UFC1: variants seen among roughly 807,000 people sequenced by gnomAD.
UFC1 encodes the protein ubiquitin-fold modifier conjugating enzyme 1, also known as ubiquitin-fold modifier-conjugating enzyme 1.
Under a neutral mutation model 28.0 loss-of-function variants are expected in UFC1, and 22 were observed. The ratio of observed to expected loss-of-function variants is 0.78; its 90% confidence interval spans 0.56 to 1.12. The LOEUF is 1.12. Ranked by LOEUF, UFC1 falls within the 50% of genes most tolerant of loss-of-function variation. The pLI, the probability that UFC1 is intolerant of heterozygous loss-of-function variation, is 0.00. For synonymous variants in UFC1, 61 were observed against 74.5 expected, an observed-to-expected ratio of 0.82 and a Z score of 0.93; for missense variants, 189 against 207.8, an observed-to-expected ratio of 0.91 and a Z score of 0.56.
intron 4 of UFC1, chr1:161,157,904 GGA>G: frequency 1.6e-6 from 1 of 616,064 alleles, no homozygotes; most frequent in Non-Finnish European, 2.8e-6. Context: ...AAAGATGTAA[GGA>G]AAAAAAAAAA....
rs1553232770 is a variant in UFC1, at chr1:161,157,678, C to T, written c.317C>T (p.Thr106Ile). 1 of 1,613,928 alleles carries T rather than the reference C, an allele frequency of 6.2e-7. No homozygotes were observed. The highest frequency in any genetic ancestry group is 1.3e-5 in the African/African-American group (1 of 75,004). ...EIAVPELDGKTAKMYRGGKIC... is the reference protein window; with the variant it reads ...EIAVPELDGKIAKMYRGGKIC... ...GCAGTTCCTGAGCTGGATGGAAAGA[C>T]AGCAAAGATGTACAGGTAGGACTGA... Residue 106 changes from threonine to isoleucine, a missense_variant, in exon 4 of 6, where the codon ACA (threonine) becomes ATA (isoleucine). By Grantham distance (89) the Thr-to-Ile change is moderately conservative. Transcript: ENST00000368003.
chr1:161,157,785 G>T, intron 4 of UFC1, 92 bp downstream of exon 4: 1 of 1,061,092 alleles, frequency 9.4e-7, no homozygotes. Context: ...AATAGCTAAT[G>T]GATGCTTGGC....
Position 161,158,763 on chromosome 1 carries a change from C to G in UFC1, c.*271C>G. The G allele has an allele frequency of 2.2e-6, 1 of 460,390 alleles. No individual in the cohort carries two copies. The highest frequency in any genetic ancestry group is 4.0e-6 in the Non-Finnish European group (1 of 249,750). 28.5% of individuals were successfully genotyped at this position (460,390 alleles called of 1,614,324 possible). A position where few individuals can be genotyped will look rare whatever the true frequency, so the allele number is the denominator to read the frequency against. Reference sequence around the variant, plus strand: ...ATCCGCCCCCAGGTGGAGCAACATGCGATTCTGGAGGCACGGGGGTAACTG... The same window carrying G: ...ATCCGCCCCCAGGTGGAGCAACATGGGATTCTGGAGGCACGGGGGTAACTG... On this transcript the variant is annotated 3_prime_UTR_variant, in exon 6 of 6. Coordinates refer to ENST00000368003, the MANE Select transcript of UFC1 (RefSeq NM_016406.4).
rs1657625172 is a variant in UFC1 at position 161,158,524 on chromosome 1, C to T, written c.*32C>T. On this transcript the variant is annotated 3_prime_UTR_variant, in exon 6 of 6. Coordinates refer to ENST00000368003, the MANE Select transcript of UFC1 (RefSeq NM_016406.4). ...AAGCCACTGAGGCAGGGCAGAGGGACCTTTGATAGGCTACGATACTATTTT... is the reference window on the plus strand; with the variant it reads ...AAGCCACTGAGGCAGGGCAGAGGGATCTTTGATAGGCTACGATACTATTTT... 6.2e-7 allele frequency: 1 copy of T among 1,608,632 alleles called. No individual in the cohort carries two copies. The highest frequency in any genetic ancestry group is 8.5e-7 in the Non-Finnish European group (1 of 1,175,080).
chr1:161,157,340 T>C (rs764297659), intron 3 of UFC1, 23 bp downstream of exon 3: 6 of 1,613,772 alleles, frequency 3.7e-6, no homozygotes, highest in South Asian at 1.1e-5. Flanking sequence ...GAGTGGGAAA[T>C]ATGAAGGTTA....
chr1:161,158,088 C>A, intron 4 of UFC1, 33 bp from the exon 5 acceptor site: 1 of 1,584,170 alleles, frequency 6.3e-7, no homozygotes, highest in Non-Finnish European at 8.7e-7. Context: ...GTAAACTTTG[C>A]ATGTCAACAC....
At chr1:161,157,135 A>G (rs960055260) in intron 2 of UFC1, 118 bp downstream of exon 2, 18 of 1,507,822 alleles carry the variant, frequency 1.2e-5, no homozygotes, top group Non-Finnish European at 1.7e-5. Flanking sequence ...CCACTCCCAC[A>G]GCGCCAGAGT....
chr1:161,154,221 G>A (rs1657443839), intron 1 of UFC1, 101 bp downstream of exon 1: 2 of 1,530,344 alleles, frequency 1.3e-6, no homozygotes, highest in African/African-American at 1.4e-5. Flanking sequence ...CGGTTTTTAA[G>A]TTTAACGCCC....
At chr1:161,157,596 A>C in intron 3 of UFC1, 21 bp from the exon 4 acceptor site, 1 of 1,603,522 alleles carries the variant, frequency 6.2e-7, no homozygotes, top group Non-Finnish European at 8.5e-7. Context: ...CTGTTTTATT[A>C]AGGTTTTATA....
intron 1 of UFC1, among the ~76,000 whole-genome samples, chr1:161,156,676 T>C (rs911173157): frequency 1.3e-5 from 2 of 150,458 alleles, no homozygotes; most frequent in Admixed American, 6.6e-5. Flanking sequence ...ACCCCGTCTC[T>C]ACTAAAAATA....
In UFC1 at chr1:161,157,017, G is replaced by A. The variant is rs778834205; in HGVS notation, c.191G>A (p.Arg64Gln). The A allele has an allele frequency of 1.4e-5, 22 of 1,613,952 alleles. No homozygotes were observed. Among genetic ancestry groups the A allele is most frequent in the African/African-American group, 1.1e-4 (8 of 74,926 alleles). ...CTGGAGTCCAACAAGGAAGGAACTC[G>A]GTAGGTAGACCCTCTTGGGAGGTGT... ...FRLESNKEGTRWFGKCWYIHD... is the reference protein window; with the variant it reads ...FRLESNKEGTQWFGKCWYIHD... Residue 64 changes from arginine to glutamine, a missense_variant and splice_region_variant, in exon 2 of 6, where the codon CGG becomes CAG. Physicochemically the swap from Arg to Gln is conservative, Grantham distance 43 (BLOSUM62 1). Transcript: ENST00000368003.
Position 161,156,944 on chromosome 1 carries a change from T to C in UFC1, c.124-6T>C. ...CTCTCTCAAAGACCTCATTCTCTGC[T>C]TTCAGTATGTGGAGAACAACAAGAA... On this transcript the variant is annotated splice_region_variant and splice_polypyrimidine_tract_variant and intron_variant, in intron 1 of 5. Coordinates refer to ENST00000368003, the MANE Select transcript of UFC1 (RefSeq NM_016406.4). 1 of 1,614,066 alleles carries C rather than the reference T, an allele frequency of 6.2e-7. No homozygotes were observed.
chr1:161,158,103 T>A lies in UFC1; in HGVS notation c.333-18T>A. On this transcript the variant is annotated intron_variant, in intron 4 of 5. Transcript: ENST00000368003. The stretch of plus-strand genomic sequence containing the variant: ...GTAAACTTTGCATGTCAACACCTTC[T>A]TCATGTCCCTCTCATAGGGGTGGCA... The A allele has an allele frequency of 3.1e-6, 5 of 1,611,828 alleles. No homozygotes were observed. Among genetic ancestry groups the A allele is most frequent in the Non-Finnish European group, 4.2e-6 (5 of 1,177,934 alleles).
At chr1:161,155,983 G>T (rs901108579) in intron 1 of UFC1, among the ~76,000 whole-genome samples, 1 of 152,186 alleles carries the variant, frequency 6.6e-6, no homozygotes, top group African/African-American at 2.4e-5. Flanking sequence ...TAGCCTGTGG[G>T]TGTTAGTTGA....
At chr1:161,154,586 G>C (rs1657456413) in intron 1 of UFC1, among the ~76,000 whole-genome samples, 1 of 152,150 alleles carries the variant, frequency 6.6e-6, no homozygotes, top group Non-Finnish European at 1.5e-5. Context: ...CCGGGTTCAA[G>C]CGAGTCTCCT....
Position 161,157,643 on chromosome 1 carries a change from C to T in UFC1, c.282C>T (p.Ala94=). ...TTCCTATCACATATCCTACTACTGCCCCAGAAATTGCAGTTCCTGAGCTGG... is the reference window on the plus strand; with the variant it reads ...TTCCTATCACATATCCTACTACTGCTCCAGAAATTGCAGTTCCTGAGCTGG... The part of the protein sequence containing the change: ...FDIPITYPTT[A]PEIAVPELDG... The change falls in exon 4 of 6, where the codon GCC becomes GCT. Residue 94 remains alanine (A), a synonymous_variant. Coordinates refer to ENST00000368003, the MANE Select transcript of UFC1 (RefSeq NM_016406.4). 3 of 1,613,932 alleles carry T rather than the reference C, an allele frequency of 1.9e-6. No individual in the cohort carries two copies. The highest frequency in any genetic ancestry group is 1.3e-5 in the African/African-American group (1 of 74,980).
Position 161,158,802 on chromosome 1 carries a change from A to G in UFC1, c.*310A>G, listed in dbSNP as rs1477186231. 1 of 351,666 alleles carries G rather than the reference A, an allele frequency of 2.8e-6. No individual in the cohort carries two copies. Among genetic ancestry groups the G allele is most frequent in the Non-Finnish European group, 5.4e-6 (1 of 184,460 alleles). 21.8% of individuals were successfully genotyped at this position (351,666 alleles called of 1,614,324 possible). On this transcript the variant is annotated 3_prime_UTR_variant, in exon 6 of 6. Coordinates refer to ENST00000368003, the MANE Select transcript of UFC1 (RefSeq NM_016406.4). ...CGGGGGTAACTGAAAGTGAGTACATATAGTCTTTCTGGTTTCTGGAGATAA... is the reference window on the plus strand; with the variant it reads ...CGGGGGTAACTGAAAGTGAGTACATGTAGTCTTTCTGGTTTCTGGAGATAA...
chr1:161,154,709 C>T (rs1657461507), intron 1 of UFC1, among the ~76,000 whole-genome samples: 1 of 152,104 alleles, frequency 6.6e-6, no homozygotes, highest in African/African-American at 2.4e-5. Flanking sequence ...GGTCTCGATC[C>T]CCTGACCTCG....
intron 1 of UFC1, among the ~76,000 whole-genome samples, chr1:161,154,492 T>C (rs1657452531): frequency 6.6e-6 from 1 of 151,962 alleles, no homozygotes; most frequent in African/African-American, 2.4e-5. Flanking sequence ...CTTCACTGTT[T>C]TGTTTGTTTG....
Sources: allele counts gnomAD v4.1 joint callset (sites outside exome capture counted in the v4.1 genomes callset), GRCh38; gene constraint gnomAD v4.1.1; transcripts MANE v1.5; gene names NCBI Gene and HGNC (gene_info 2026-07-23, HGNC 2026-07-21).